PTPRD: variants seen among roughly 807,000 people sequenced by gnomAD.
PTPRD encodes the protein receptor-type tyrosine-protein phosphatase delta.
PTPRD carries 34 observed loss-of-function variants against 214.5 expected under a neutral mutation model. That is an observed-to-expected ratio of 0.16 (90% CI 0.12 to 0.21). PTPRD has a LOEUF of 0.21. Ranked by LOEUF, PTPRD falls within the 10% of genes least tolerant of loss-of-function variation. The probability of loss-of-function intolerance (pLI) is 1.00; values close to 1 mark genes in which losing one functional copy is unlikely to be tolerated. For missense variants in PTPRD, 2,545 were observed against 2,398.7 expected (o/e 1.06, Z -1.27); for synonymous variants, 1,128 against 845.7 (o/e 1.33, Z -5.79).
At chr9:10,249,172 C>T (rs1451003919) in intron 3 of PTPRD, among the ~76,000 whole-genome samples, 2 of 152,136 alleles carry the variant, frequency 1.3e-5, no homozygotes, top group Non-Finnish European at 2.9e-5. Flanking sequence ...TATCTCCCAT[C>T]CTATACTTGC....
At chr9:9,356,632 A>C (rs2053897276) in intron 9 of PTPRD, among the ~76,000 whole-genome samples, 1 of 151,428 alleles carries the variant, frequency 6.6e-6, no homozygotes, top group South Asian at 2.1e-4. Context: ...GTAGGAATAT[A>C]CAAGAAGGTT....
intron 10 of PTPRD, among the ~76,000 whole-genome samples, chr9:9,032,538 C>G (rs1461358689): frequency 1.3e-5 from 2 of 151,892 alleles, no homozygotes; most frequent in Non-Finnish European, 2.9e-5. Context: ...TCCCTTGCCC[C>G]CAAGGACTGC....
At chr9:9,654,770 T>C (rs1020604677) in intron 7 of PTPRD, among the ~76,000 whole-genome samples, 2 of 152,170 alleles carry the variant, frequency 1.3e-5, no homozygotes, top group Non-Finnish European at 2.9e-5. Context: ...ATGTAGCACA[T>C]TTATACACAC....
At chr9:10,060,874 TTCC>T (rs2097759130) in intron 3 of PTPRD, among the ~76,000 whole-genome samples, 3 of 66,352 alleles carry the variant, frequency 4.5e-5, no homozygotes, top group African/African-American at 3.7e-4. Context: ...CCTTCTTTCC[TTCC>T]TTCCTTCCTT....
intron 3 of PTPRD, among the ~76,000 whole-genome samples, chr9:10,271,936 G>A (rs2094446263): frequency 1.3e-5 from 2 of 151,878 alleles, no homozygotes; most frequent in Non-Finnish European, 2.9e-5. Flanking sequence ...TATTTTCTAA[G>A]CATTGTTCAG....
chr9:9,339,498 G>A (rs2045940352), intron 9 of PTPRD, among the ~76,000 whole-genome samples: 1 of 151,984 alleles, frequency 6.6e-6, no homozygotes, highest in Non-Finnish European at 1.5e-5. Flanking sequence ...GATTTGAGCT[G>A]GAGTTAAGTT....
At chr9:10,565,559 T>C (rs928116583) in intron 2 of PTPRD, among the ~76,000 whole-genome samples, 34 of 151,970 alleles carry the variant, frequency 2.2e-4, no homozygotes, top group African/African-American at 8.2e-4. Flanking sequence ...ACTGCAAAAT[T>C]TTAAAATGCT....
At chr9:10,417,747 G>A (rs1482799271) in intron 2 of PTPRD, among the ~76,000 whole-genome samples, 5 of 151,802 alleles carry the variant, frequency 3.3e-5, no homozygotes, top group African/African-American at 1.2e-4. Context: ...GAATACATGA[G>A]AAAACTGGGA....
At chr9:9,201,575 T>C (rs2099941883) in intron 9 of PTPRD, among the ~76,000 whole-genome samples, 1 of 152,196 alleles carries the variant, frequency 6.6e-6, no homozygotes, top group Admixed American at 6.6e-5. Flanking sequence ...AAAACATTGA[T>C]TTCCTATTAC....
At chr9:9,858,126 G>C (rs2061920855) in intron 5 of PTPRD, among the ~76,000 whole-genome samples, 1 of 152,258 alleles carries the variant, frequency 6.6e-6, no homozygotes, top group South Asian at 2.1e-4. Context: ...TTAGTGAATA[G>C]AGAGCCACAG....
intron 2 of PTPRD, among the ~76,000 whole-genome samples, chr9:10,495,205 T>G (rs1277878882): frequency 1.3e-5 from 2 of 151,802 alleles, no homozygotes; most frequent in East Asian, 3.9e-4. Flanking sequence ...GGAGTAGAGT[T>G]ATCAGAAATC....
At chr9:9,002,426 C>T (rs2099428001) in intron 11 of PTPRD, among the ~76,000 whole-genome samples, 1 of 152,008 alleles carries the variant, frequency 6.6e-6, no homozygotes, top group Non-Finnish European at 1.5e-5. Context: ...CAGACGGATA[C>T]ACCACTATTA....
At chr9:9,958,528 T>C (rs1436761159) in intron 4 of PTPRD, among the ~76,000 whole-genome samples, 1 of 152,050 alleles carries the variant, frequency 6.6e-6, no homozygotes, top group Admixed American at 6.6e-5. Context: ...CAAAACTCCA[T>C]CTCAAAAACA....
At chr9:10,448,399 G>A (rs968869870) in intron 2 of PTPRD, among the ~76,000 whole-genome samples, 1 of 151,850 alleles carries the variant, frequency 6.6e-6, no homozygotes, top group African/African-American at 2.4e-5. Context: ...AGCCACAATG[G>A]CTCCAATGGC....
intron 36 of PTPRD, among the ~76,000 whole-genome samples, chr9:8,391,039 A>T (rs1019527254): frequency 1.3e-5 from 2 of 151,532 alleles, no homozygotes; most frequent in Non-Finnish European, 2.9e-5. Context: ...GAGAACAAGC[A>T]CTTTATAGGA....
chr9:9,573,939 C>T (rs1180366880), intron 8 of PTPRD, among the ~76,000 whole-genome samples: 1 of 151,762 alleles, frequency 6.6e-6, no homozygotes, highest in East Asian at 1.9e-4. Flanking sequence ...AATCAACTGC[C>T]TTTGTGCTTC....
intron 11 of PTPRD, among the ~76,000 whole-genome samples, chr9:8,990,278 A>G (rs2099361248): frequency 6.6e-6 from 1 of 152,190 alleles, no homozygotes; most frequent in African/African-American, 2.4e-5. Context: ...AGAAATAGCC[A>G]TTGTTAAATG....
intron 3 of PTPRD, among the ~76,000 whole-genome samples, chr9:10,093,243 C>G: frequency 6.6e-6 from 1 of 151,150 alleles, no homozygotes; most frequent in African/African-American, 2.4e-5. Context: ...AAACTTAAAT[C>G]AACAAGCAAA....
chr9:10,100,334 A>G (rs2098539499), intron 3 of PTPRD, among the ~76,000 whole-genome samples: 1 of 151,736 alleles, frequency 6.6e-6, no homozygotes. Context: ...AGAAAATTTA[A>G]ATATCCATCC....
Sources: allele counts gnomAD v4.1 joint callset (sites outside exome capture counted in the v4.1 genomes callset), GRCh38; gene constraint gnomAD v4.1.1; transcripts MANE v1.5; gene names NCBI Gene and HGNC (gene_info 2026-07-23, HGNC 2026-07-21).